Variants in DHDDS observed in about 807,000 individuals in gnomAD.
DHDDS encodes dehydrodolichyl diphosphate synthase complex subunit DHDDS.
In DHDDS, 16 loss-of-function variants were observed where a neutral mutation model predicts 46.2. That is an observed-to-expected ratio of 0.35 (90% CI 0.23 to 0.53). The LOEUF is 0.53. Among genes scored for constraint, DHDDS ranks in the 20% least tolerant of loss-of-function variants. DHDDS has a pLI of 0.94. For missense variants in DHDDS, 340 were observed against 423.7 expected (o/e 0.80, Z 1.73); for synonymous variants, 151 against 163.1 (o/e 0.93, Z 0.56).
intron 6 of DHDDS, among the ~76,000 whole-genome samples, chr1:26,449,810 C>T (rs568541848): frequency 6.7e-6 from 1 of 149,176 alleles, no homozygotes; most frequent in African/African-American, 2.5e-5. Flanking sequence ...CCGCCCACCT[C>T]GGCCTCCCAA....
At chr1:26,460,202 G>T in intron 8 of DHDDS, 58 bp downstream of exon 8, 1 of 1,347,450 alleles carries the variant, frequency 7.4e-7, no homozygotes, top group South Asian at 1.2e-5. Context: ...GATTAGCATT[G>T]ATTGACAACC....
chr1:26,436,369 C>T (rs1041736323), intron 2 of DHDDS, among the ~76,000 whole-genome samples: 1 of 151,966 alleles, frequency 6.6e-6, no homozygotes, highest in Admixed American at 6.6e-5. Context: ...CCACCACACT[C>T]CATCCACCTT....
intron 2 of DHDDS, among the ~76,000 whole-genome samples, chr1:26,436,401 TTTTGTTTGTTTGTTTGTTTG>T (rs57226446): frequency 6.8e-6 from 1 of 147,876 alleles, no homozygotes; most frequent in Non-Finnish European, 1.5e-5. Flanking sequence ...TAAGACTCTG[TTTTGTTTGTTTGTTTGTTTG>T]TTTGTTTGTT....
chr1:26,468,034 GGAT>G (rs1268456346), intron 8 of DHDDS, among the ~76,000 whole-genome samples: 5 of 152,180 alleles, frequency 3.3e-5, no homozygotes, highest in South Asian at 4.1e-4. Context: ...CTAGTACTTG[GGAT>G]GATAACTGCT....
At chr1:26,443,114 C>A in intron 4 of DHDDS, 1 of 586,880 alleles carries the variant, frequency 1.7e-6, no homozygotes, top group Non-Finnish European at 2.7e-6. Flanking sequence ...GATTTAAGAA[C>A]AAGTACAGCC....
At chr1:26,443,711 T>C (rs895040219) in intron 4 of DHDDS, among the ~76,000 whole-genome samples, 9 of 152,146 alleles carry the variant, frequency 5.9e-5, no homozygotes, top group Non-Finnish European at 7.4e-5. Flanking sequence ...GGCTTCCTTC[T>C]GTCTATATTA....
At chr1:26,442,424 AG>A (rs1365440356) in intron 3 of DHDDS, among the ~76,000 whole-genome samples, 2 of 152,224 alleles carry the variant, frequency 1.3e-5, no homozygotes, top group African/African-American at 4.8e-5. Context: ...CAGTCACATA[AG>A]TGCATGCTGG....
At chr1:26,437,286 G>A (rs950647536) in intron 2 of DHDDS, among the ~76,000 whole-genome samples, 3 of 152,128 alleles carry the variant, frequency 2.0e-5, no homozygotes, top group African/African-American at 7.2e-5. Context: ...TGTATGATAA[G>A]ATGAAGTATA....
At position 26,447,543 on chromosome 1, in the gene DHDDS, C is replaced by A. The variant is rs1406421022; in HGVS notation, c.441-16C>A. The A allele has an allele frequency of 6.2e-7, 1 of 1,604,050 alleles. No individual in the cohort carries two copies. Among genetic ancestry groups the A allele is most frequent in the Non-Finnish European group, 8.5e-7 (1 of 1,170,842 alleles). ...CTGTCCCCCTTTGGTAAATTATTCT[C>A]TTCTTCCCTCCTCAGGTGTTTCCTG... On this transcript the variant is annotated splice_polypyrimidine_tract_variant and intron_variant, in intron 5 of 8. Transcript: ENST00000236342.
chr1:26,459,435 G>A (rs2445639), intron 7 of DHDDS, among the ~76,000 whole-genome samples: 134,989 of 152,300 alleles, frequency 0.89, 60,068 homozygotes, highest in East Asian at 1. Context: ...TCTTTGCTAT[G>A]CATATGTTAT....
At chr1:26,454,546 G>C in intron 6 of DHDDS, 1 of 607,064 alleles carries the variant, frequency 1.6e-6, no homozygotes, top group Middle Eastern at 4.6e-4. Flanking sequence ...CATTTGATTT[G>C]ACCCTCATGA....
Position 26,446,313 on chromosome 1 carries a change from C to A in DHDDS, c.324-3C>A. The A allele has an allele frequency of 6.2e-7, 1 of 1,613,586 alleles. No homozygotes were observed. Among genetic ancestry groups the A allele is most frequent in the South Asian group, 1.1e-5 (1 of 91,046 alleles). ...CCCAATGCTGCCTCTTTTCCCTGAT[C>A]AGGGAGAAACTGCAGAAGCATGGGG... On this transcript the variant is annotated splice_polypyrimidine_tract_variant and splice_region_variant and intron_variant, in intron 4 of 8. Coordinates refer to ENST00000236342, the MANE Select transcript of DHDDS (RefSeq NM_205861.3).
chr1:26,459,899 T>C, intron 7 of DHDDS, 138 bp from the exon 8 acceptor site: 1 of 747,482 alleles, frequency 1.3e-6, no homozygotes, highest in Non-Finnish European at 2.4e-6. Flanking sequence ...CAGCTGCAGC[T>C]ACAGCTCAGG....
Position 26,470,315 on chromosome 1 carries a change from CT to C in DHDDS, c.*1201del, listed in dbSNP as rs10667472. 426 of 132,824 alleles carry C rather than the reference CT, an allele frequency of 3.2e-3. 1 individual carries two copies. Among genetic ancestry groups the C allele is most frequent in the African/African-American group, 3.5e-3 (121 of 34,860 alleles). 8.2% of individuals were successfully genotyped at this position (132,824 alleles called of 1,614,324 possible). A position where few individuals can be genotyped will look rare whatever the true frequency, so the allele number is the denominator to read the frequency against. On this transcript the variant is annotated 3_prime_UTR_variant, in exon 9 of 9. Transcript: ENST00000236342. ...CTCTTTAAAGTCCATTTTCCTTCTT[CT>C]TTTTTTTTTTTTTTTTGGAGACAGC...
intron 6 of DHDDS, among the ~76,000 whole-genome samples, chr1:26,450,551 AAC>A (rs2075310155): frequency 6.6e-6 from 1 of 152,182 alleles, no homozygotes; most frequent in Non-Finnish European, 1.5e-5. Context: ...TATAAGCAAA[AAC>A]ACAGAAAAGC....
chr1:26,444,162 A>G (rs1195756116), intron 4 of DHDDS, among the ~76,000 whole-genome samples: 1 of 152,224 alleles, frequency 6.6e-6, no homozygotes, highest in African/African-American at 2.4e-5. Context: ...TGCGCTGATC[A>G]GTTAGTAGTA....
chr1:26,432,529 G>T, intron 1 of DHDDS, 153 bp downstream of exon 1: 1 of 256,046 alleles, frequency 3.9e-6, no homozygotes. Flanking sequence ...GTTAGTAACT[G>T]GGAGCACAGA....
In DHDDS at chr1:26,438,207, G is replaced by A; in HGVS notation, c.103G>A (p.Gly35Arg). The change falls in exon 3 of 9, where the codon GGG becomes AGG. Residue 35 changes from glycine (G) to arginine (R), a missense_variant. By Grantham distance (125) the Gly-to-Arg change is moderately radical. Around this residue, in one of 2 missense-constraint regions of DHDDS, gnomAD observed 72 missense variants for 123.5 expected, o/e 0.58. Transcript: ENST00000236342. ...GAAACACATTGCATTCATAATGGAC[G>A]GGAACCGTCGCTATGCCAAGAAGTG... is the stretch of plus-strand genomic sequence containing the variant. ...MPKHIAFIMD[G>R]NRRYAKKCQV... 2 of 1,613,990 alleles carry A rather than the reference G, an allele frequency of 1.2e-6. No individual in the cohort carries two copies. Among genetic ancestry groups the A allele is most frequent in the Non-Finnish European group, 1.7e-6 (2 of 1,179,896 alleles).
At position 26,460,139 on chromosome 1, in the gene DHDDS, C is replaced by T. The variant is rs980888877; in HGVS notation, c.760C>T (p.Leu254Phe). ...ILQFQMNHSV[L>F]QKARDMYAEE... Reference sequence around the variant, plus strand: ...GCAGTTCCAGATGAACCATAGCGTGCTTCAGGTAAGAAAGAGTTCAGGGCT... The same window carrying T: ...GCAGTTCCAGATGAACCATAGCGTGTTTCAGGTAAGAAAGAGTTCAGGGCT... Residue 254 changes from leucine (L) to phenylalanine (F), a missense_variant, in exon 8 of 9, where the codon CTT becomes TTT. Transcript: ENST00000236342. 1.2e-6 allele frequency: 2 copies of T among 1,612,642 alleles called. No homozygotes were observed. The highest frequency in any genetic ancestry group is 1.7e-6 in the Non-Finnish European group (2 of 1,178,772).
Sources: allele counts gnomAD v4.1 joint callset (sites outside exome capture counted in the v4.1 genomes callset), GRCh38; gene constraint gnomAD v4.1.1; regional missense constraint gnomAD v4.1.1; transcripts MANE v1.5; gene names NCBI Gene and HGNC (gene_info 2026-07-23, HGNC 2026-07-21).